Variants in RIMS2 observed in about 807,000 individuals in gnomAD.
RIMS2 encodes regulating synaptic membrane exocytosis protein 2.
Under a neutral mutation model 174.4 loss-of-function variants are expected in RIMS2, and 59 were observed. That is an observed-to-expected ratio of 0.34 (90% CI 0.27 to 0.42). RIMS2 has a LOEUF of 0.42. Among genes scored for constraint, RIMS2 ranks in the 10% least tolerant of loss-of-function variants. The pLI is 1.00. For synonymous variants in RIMS2, 606 were observed against 572.5 expected (o/e 1.06, Z -0.84); for missense variants, 1,620 against 1,666.3 (o/e 0.97, Z 0.48).
intron 1 of RIMS2, among the ~76,000 whole-genome samples, chr8:103,612,718 A>T (rs1245199411): frequency 6.6e-6 from 1 of 152,074 alleles, no homozygotes; most frequent in East Asian, 1.9e-4. Flanking sequence ...GGCTGGGATT[A>T]CAGGTGCGTG....
At chr8:103,817,106 T>C (rs1202113080) in intron 3 of RIMS2, among the ~76,000 whole-genome samples, 1 of 152,192 alleles carries the variant, frequency 6.6e-6, no homozygotes, top group Non-Finnish European at 1.5e-5. Context: ...CTTGTAGAAA[T>C]TGACCTTTCA....
intron 2 of RIMS2, among the ~76,000 whole-genome samples, chr8:103,731,526 G>A (rs890215752): frequency 1.3e-5 from 2 of 151,996 alleles, no homozygotes; most frequent in African/African-American, 4.8e-5. Flanking sequence ...TTATCCCTTT[G>A]AACAAACTTT....
At chr8:103,527,852 C>T (rs1001670137) in intron 1 of RIMS2, among the ~76,000 whole-genome samples, 2 of 152,106 alleles carry the variant, frequency 1.3e-5, no homozygotes, top group South Asian at 4.1e-4. Context: ...AGTAAACATA[C>T]GTGTGCATGT....
rs541695220 is a variant in RIMS2 at position 103,661,813 on chromosome 8, GT to G, written c.177-35267del. ...AGCCACTGCATCTAGCCTAGATGCT[GT>G]TTTTTGAGCATGCCTTACCATTTGA... On this transcript the variant is annotated intron_variant, in intron 1 of 23. Transcript: ENST00000504942. Among the ~76,000 whole-genome samples, 36 of 152,248 alleles carry G rather than the reference GT, an allele frequency of 2.4e-4. No homozygotes were observed. In the South Asian group the frequency reaches 7.5e-3, roughly 32 times the overall value.
chr8:103,923,884 TAAACA>T (rs1439065772), intron 10 of RIMS2, among the ~76,000 whole-genome samples: 1 of 151,698 alleles, frequency 6.6e-6, no homozygotes, highest in African/African-American at 2.4e-5. Flanking sequence ...TATAAATTTT[TAAACA>T]AAACTAAAAA....
At chr8:103,919,372 G>A (rs144937110) in intron 9 of RIMS2, among the ~76,000 whole-genome samples, 1 of 152,212 alleles carries the variant, frequency 6.6e-6, no homozygotes, top group East Asian at 1.9e-4. Flanking sequence ...AGAATGGTAT[G>A]AATGAGGACA....
chr8:104,250,696 T>C (rs1044134262), intron 22 of RIMS2, among the ~76,000 whole-genome samples: 8 of 152,150 alleles, frequency 5.3e-5, no homozygotes, highest in Non-Finnish European at 7.3e-5. Flanking sequence ...GTTAAATAGA[T>C]TTAAGTATTG....
chr8:103,753,525 C>T (rs955212737), intron 2 of RIMS2, among the ~76,000 whole-genome samples: 3 of 152,064 alleles, frequency 2.0e-5, no homozygotes, highest in Admixed American at 6.6e-5. Context: ...CCAGTTCCTC[C>T]TTATACCTCT....
intron 19 of RIMS2, among the ~76,000 whole-genome samples, chr8:104,091,602 C>T (rs140729405): frequency 6.7e-6 from 1 of 149,812 alleles, no homozygotes; most frequent in East Asian, 2.0e-4. Flanking sequence ...ATAGATATAT[C>T]ATTTATTGTA....
intron 20 of RIMS2, among the ~76,000 whole-genome samples, chr8:104,245,458 C>A (rs1019694024): frequency 7.9e-5 from 12 of 152,198 alleles, no homozygotes; most frequent in Middle Eastern, 3.4e-3. Context: ...GGAATGCTGG[C>A]GTATACTTAG....
intron 19 of RIMS2, among the ~76,000 whole-genome samples, chr8:104,025,722 C>T (rs1023745514): frequency 1.6e-4 from 25 of 152,048 alleles, no homozygotes; most frequent in African/African-American, 6.0e-4. Context: ...CACACACACA[C>T]ACACACACAC....
chr8:103,827,813 G>C (rs2098801020), intron 3 of RIMS2, among the ~76,000 whole-genome samples: 1 of 151,938 alleles, frequency 6.6e-6, no homozygotes, highest in Non-Finnish European at 1.5e-5. Context: ...CCACCAGCCT[G>C]GGTGACAAGA....
chr8:103,975,195 T>C (rs2093311081), intron 15 of RIMS2, among the ~76,000 whole-genome samples, 155 bp from the exon 18 acceptor site: 1 of 152,194 alleles, frequency 6.6e-6, no homozygotes, highest in African/African-American at 2.4e-5. Flanking sequence ...CATAAAATAT[T>C]TTGTCTTAAT....
intron 2 of RIMS2, among the ~76,000 whole-genome samples, chr8:103,741,671 G>A (rs961238310): frequency 5.3e-5 from 8 of 151,970 alleles, no homozygotes; most frequent in Non-Finnish European, 1.0e-4. Flanking sequence ...TACTAAAAAG[G>A]ATTTGGAAAA....
At chr8:103,876,909 T>TATATATACACACAC (rs71297243) in intron 3 of RIMS2, among the ~76,000 whole-genome samples, 3 of 66,130 alleles carry the variant, frequency 4.5e-5, no homozygotes, top group Non-Finnish European at 1.1e-4. Flanking sequence ...TATATATATA[T>TATATATACACACAC]ACACACACAC....
At chr8:103,638,804 C>G (rs1017788216) in intron 1 of RIMS2, among the ~76,000 whole-genome samples, 6 of 152,020 alleles carry the variant, frequency 3.9e-5, no homozygotes, top group Non-Finnish European at 7.4e-5. Context: ...ATTGGGATGT[C>G]ACTGTTTCTA....
At chr8:103,876,919 C>CACA (rs1565063497) in intron 3 of RIMS2, among the ~76,000 whole-genome samples, 8 of 69,574 alleles carry the variant, frequency 1.1e-4, no homozygotes, top group South Asian at 5.2e-4. Flanking sequence ...TACACACACA[C>CACA]CCCCATATAC....
intron 1 of RIMS2, among the ~76,000 whole-genome samples, chr8:103,605,799 T>C (rs1262428202): frequency 1.3e-5 from 2 of 152,048 alleles, no homozygotes; most frequent in Non-Finnish European, 2.9e-5. Flanking sequence ...GAGGTGTTTG[T>C]AGTATTCTCT....
intron 2 of RIMS2, among the ~76,000 whole-genome samples, chr8:103,699,142 C>T (rs1209218393): frequency 6.6e-6 from 1 of 152,122 alleles, no homozygotes; most frequent in Non-Finnish European, 1.5e-5. Context: ...TCATAGTATT[C>T]CATTATTAGT....
Sources: allele counts gnomAD v4.1 joint callset (sites outside exome capture counted in the v4.1 genomes callset), GRCh38; gene constraint gnomAD v4.1.1; transcripts MANE v1.5; gene names NCBI Gene and HGNC (gene_info 2026-07-23, HGNC 2026-07-21).